The following MMP26 variants were observed in gnomAD, a reference collection of about 807,000 sequenced individuals.
The protein encoded by MMP26 is matrix metalloproteinase-26.
Under a neutral mutation model 31.0 loss-of-function variants are expected in MMP26, and 33 were observed. The observed-to-expected ratio is 1.06, with a 90% confidence interval of 0.81 to 1.42. The LOEUF is 1.42. MMP26 is among the 40% of genes most tolerant of loss of function. The pLI is 0.00. For missense variants in MMP26, 347 were observed against 316.1 expected (o/e 1.10, Z -0.74); for synonymous variants, 122 against 114.9 (o/e 1.06, Z -0.40).
At chr11:4,804,073 T>C in intron 2 of MMP26, 1 of 1,614,020 alleles carries the variant, frequency 6.2e-7, no homozygotes, top group African/African-American at 1.3e-5. Flanking sequence ...GAAGAACACC[T>C]GGATGAGGCA....
At chr11:4,754,672 G>T (rs1848485468) in intron 1 of MMP26, among the ~76,000 whole-genome samples, 1 of 151,918 alleles carries the variant, frequency 6.6e-6, no homozygotes, top group South Asian at 2.1e-4. Flanking sequence ...CTTACTTATA[G>T]CTGTAGATGG....
intron 2 of MMP26, among the ~76,000 whole-genome samples, chr11:4,974,506 T>C (rs958308611): frequency 1.3e-5 from 2 of 152,122 alleles, no homozygotes; most frequent in African/African-American, 4.8e-5. Flanking sequence ...TAGATCATTA[T>C]GATTTTATTG....
chr11:4,902,686 A>T (rs2133560291), intron 2 of MMP26, among the ~76,000 whole-genome samples: 1 of 152,362 alleles, frequency 6.6e-6, no homozygotes, highest in Admixed American at 6.5e-5. Context: ...TAAGGTGGGT[A>T]TCAAATGCAT....
At chr11:4,991,555 G>A (rs1847003242) in intron 6 of MMP26, 59 bp downstream of exon 6, 13 of 1,589,148 alleles carry the variant, frequency 8.2e-6, no homozygotes, top group Non-Finnish European at 1.1e-5. Flanking sequence ...GTTCAGTGTT[G>A]ATGGTTTCCA....
At chr11:4,973,134 T>G (rs1846688018) in intron 2 of MMP26, 1 of 206,942 alleles carries the variant, frequency 4.8e-6, no homozygotes, top group Non-Finnish European at 1.1e-5. Flanking sequence ...ACATAGAAGA[T>G]GAGCACAGCA....
chr11:4,797,615 C>T (rs371891589), intron 2 of MMP26, among the ~76,000 whole-genome samples: 34 of 152,306 alleles, frequency 2.2e-4, no homozygotes, highest in South Asian at 4.1e-4. Flanking sequence ...CTTTCCCTAA[C>T]CCCTCCCTGT....
intron 1 of MMP26, among the ~76,000 whole-genome samples, chr11:4,730,919 G>A (rs1848165552): frequency 1.3e-5 from 2 of 152,064 alleles, no homozygotes; most frequent in African/African-American, 4.8e-5. Context: ...CCACAAAGAT[G>A]CACCATTCTT....
chr11:4,764,377 T>C (rs928214812), intron 1 of MMP26, among the ~76,000 whole-genome samples: 1 of 152,176 alleles, frequency 6.6e-6, no homozygotes, highest in Admixed American at 6.5e-5. Context: ...GGCTAGTTCT[T>C]TGGCAAAAAA....
intron 2 of MMP26, chr11:4,849,145 G>A: frequency 6.2e-7 from 1 of 1,613,916 alleles, no homozygotes; most frequent in Non-Finnish European, 8.5e-7. Flanking sequence ...ATGCCCACCA[G>A]CAAGAAGGTG....
At chr11:4,851,949 A>G (rs1849981673) in intron 2 of MMP26, among the ~76,000 whole-genome samples, 1 of 152,140 alleles carries the variant, frequency 6.6e-6, no homozygotes, top group Non-Finnish European at 1.5e-5. Flanking sequence ...TTTCAACCAT[A>G]TCAATAATCA....
intron 2 of MMP26, among the ~76,000 whole-genome samples, chr11:4,896,303 G>A (rs375770176): frequency 6.6e-6 from 1 of 152,060 alleles, no homozygotes; most frequent in Non-Finnish European, 1.5e-5. Flanking sequence ...ACGTCTGCTT[G>A]CCAAGACTTT....
At chr11:4,894,062 A>G (rs1161629045) in intron 2 of MMP26, among the ~76,000 whole-genome samples, 1 of 152,234 alleles carries the variant, frequency 6.6e-6, no homozygotes, top group Non-Finnish European at 1.5e-5. Context: ...TAGTCTTTGC[A>G]TATGTTGTTA....
At chr11:4,882,188 A>G in intron 2 of MMP26, 1 of 1,613,894 alleles carries the variant, frequency 6.2e-7, no homozygotes, top group Non-Finnish European at 8.5e-7. Flanking sequence ...GATCAGCTTT[A>G]AAGCTTGCTT....
At chr11:4,785,654 C>T (rs1002278026) in intron 2 of MMP26, among the ~76,000 whole-genome samples, 1 of 152,094 alleles carries the variant, frequency 6.6e-6, no homozygotes, top group South Asian at 2.1e-4. Flanking sequence ...TACATAAAAA[C>T]CTTCAGCCCA....
At chr11:4,883,228 A>T (rs1163470781) in intron 2 of MMP26, among the ~76,000 whole-genome samples, 3 of 85,666 alleles carry the variant, frequency 3.5e-5, no homozygotes, top group African/African-American at 1.1e-4. Flanking sequence ...TTTCACATCC[A>T]GCTGAACAAT....
At position 4,727,337 on chromosome 11, in the gene MMP26, C is replaced by T. The variant is rs536401228; in HGVS notation, c.-217+22292C>T. Among the ~76,000 whole-genome samples, 8 of 152,216 alleles carry T rather than the reference C, an allele frequency of 5.3e-5. No homozygotes were observed. In the South Asian group the frequency reaches 1.2e-3, roughly 24 times the overall value. ...TTAGAAGGAGATATTGCTCACTGGA[C>T]ATCACATGGTCTGTTTAATAGCATT... On this transcript the variant is annotated intron_variant, in intron 1 of 7. Coordinates refer to ENST00000380390, the MANE Select transcript of MMP26 (RefSeq NM_021801.5).
At chr11:4,812,963 T>A (rs920330518) in intron 2 of MMP26, among the ~76,000 whole-genome samples, 4 of 151,802 alleles carry the variant, frequency 2.6e-5, no homozygotes, top group Admixed American at 6.6e-5. Context: ...TCCACAGATA[T>A]TTTATGTATA....
chr11:4,795,530 G>T (rs1269579535), intron 2 of MMP26, among the ~76,000 whole-genome samples: 1 of 152,002 alleles, frequency 6.6e-6, no homozygotes, highest in Non-Finnish European at 1.5e-5. Flanking sequence ...AACAAAATTG[G>T]GCTACATCCA....
chr11:4,992,058 C>T lies in MMP26; in HGVS notation c.690C>T (p.Tyr230=). The T allele has an allele frequency of 6.2e-7, 1 of 1,614,026 alleles. No individual in the cohort carries two copies. Among genetic ancestry groups the T allele is most frequent in the Non-Finnish European group, 8.5e-7 (1 of 1,179,984 alleles). Residue 230 remains tyrosine, a synonymous_variant, in exon 7 of 8, where the codon TAC becomes TAT. Transcript: ENST00000380390. ...AGAGCTCCATAATGTACCCCACTTA[C>T]TGGTATCACGACCCTAGAACCTTCC... The part of the protein sequence containing the change: ...GNQSSIMYPT[Y]WYHDPRTFQL...
Sources: allele counts gnomAD v4.1 joint callset (sites outside exome capture counted in the v4.1 genomes callset), GRCh38; gene constraint gnomAD v4.1.1; transcripts MANE v1.5; gene names NCBI Gene and HGNC (gene_info 2026-07-23, HGNC 2026-07-21).